PHTF2: variants seen among roughly 807,000 people sequenced by gnomAD.
The protein encoded by PHTF2 is protein PHTF2.
In PHTF2, 60 loss-of-function variants were observed where a neutral mutation model predicts 101.2. The observed-to-expected ratio is 0.59, with a 90% confidence interval of 0.48 to 0.73. The LOEUF (loss-of-function observed/expected upper bound fraction) is 0.73. PHTF2 is among the 30% of genes least tolerant of loss of function. The pLI, the probability that PHTF2 is intolerant of heterozygous loss-of-function variation, is 0.00. For synonymous variants in PHTF2, 311 were observed against 307.3 expected (o/e 1.01, Z -0.13); for missense variants, 747 against 908.7 (o/e 0.82, Z 2.29).
intron 4 of PHTF2, 140 bp downstream of exon 3, chr7:77,893,804 T>G (rs1291877880): frequency 1.6e-6 from 1 of 622,676 alleles, no homozygotes; most frequent in African/African-American, 1.8e-5. Flanking sequence ...AAGTAAACTT[T>G]ATTTACCATA....
At chr7:77,818,121 A>C (rs1304066402) in intron 1 of PHTF2, among the ~76,000 whole-genome samples, 1 of 152,038 alleles carries the variant, frequency 6.6e-6, no homozygotes, top group African/African-American at 2.4e-5. Flanking sequence ...AAAAAAAAAA[A>C]AAAACAACAG....
intron 3 of PHTF2, among the ~76,000 whole-genome samples, chr7:77,875,667 C>T (rs1461066462): frequency 6.6e-6 from 1 of 152,070 alleles, no homozygotes; most frequent in Non-Finnish European, 1.5e-5. Context: ...ACACCATTCT[C>T]CTGCCTCAGC....
chr7:77,940,695 T>C (rs759335869), intron 15 of PHTF2, 36 bp downstream of exon 14: 3 of 1,469,908 alleles, frequency 2.0e-6, no homozygotes, highest in African/African-American at 2.8e-5. Flanking sequence ...TTTAACATGC[T>C]GGCCCTTTCT....
chr7:77,950,964 G>A (rs538020017), intron 17 of PHTF2, among the ~76,000 whole-genome samples: 10 of 152,292 alleles, frequency 6.6e-5, no homozygotes, highest in East Asian at 5.8e-4. Flanking sequence ...CCTAATCAGC[G>A]ATGGCTGCCA....
At chr7:77,808,153 T>G (rs1397130535) in intron 1 of PHTF2, among the ~76,000 whole-genome samples, 1 of 152,234 alleles carries the variant, frequency 6.6e-6, no homozygotes, top group African/African-American at 2.4e-5. Flanking sequence ...AAAATTGCTT[T>G]GGCTATTTGG....
chr7:77,940,083 TCTCA>T lies in PHTF2; in HGVS notation c.1522_1525del (p.Leu508TyrfsTer4), dbSNP rs771014310. ...ACCAGATTTTTGGAAATGCAGTCTCTCTCATACTGGGTTTAACTCCATTTGTTTT... is the reference window on the plus strand; with the variant it reads ...ACCAGATTTTTGGAAATGCAGTCTCTTACTGGGTTTAACTCCATTTGTTTT... On this transcript the variant is annotated frameshift_variant, in exon 14 of 20. Transcript: ENST00000416283. LOFTEE classifies it high-confidence loss of function. The T allele has an allele frequency of 6.2e-7, 1 of 1,613,498 alleles. No homozygotes were observed. The highest frequency in any genetic ancestry group is 8.5e-7 in the Non-Finnish European group (1 of 1,179,428).
intron 3 of PHTF2, among the ~76,000 whole-genome samples, chr7:77,862,561 G>A (rs1324380365): frequency 6.6e-6 from 1 of 152,170 alleles, no homozygotes; most frequent in Non-Finnish European, 1.5e-5. Flanking sequence ...GGTATGAGGA[G>A]ATCCAAGAAA....
exon 20 of PHTF2, chr7:77,954,900 T>C (rs1425902614): frequency 7.2e-7 from 1 of 1,397,798 alleles, no homozygotes. Context: ...AAAGAAGATG[T>C]AGCCTCTTTT....
At chr7:77,847,460 T>C (rs568507283) in intron 2 of PHTF2, among the ~76,000 whole-genome samples, 18 of 152,344 alleles carry the variant, frequency 1.2e-4, no homozygotes, top group Middle Eastern at 3.4e-3. Context: ...TGTTATTTAA[T>C]TTTTCTGAGC....
At chr7:77,890,281 C>T (rs767994688) in intron 3 of PHTF2, among the ~76,000 whole-genome samples, 1 of 152,178 alleles carries the variant, frequency 6.6e-6, no homozygotes, top group African/African-American at 2.4e-5. Flanking sequence ...ACCTTTCTAA[C>T]CTCGGGCCTA....
intron 16 of PHTF2, among the ~76,000 whole-genome samples, chr7:77,948,827 G>C (rs116589454): frequency 0.021 from 3,158 of 152,262 alleles, 90 homozygotes; most frequent in African/African-American, 0.071. Context: ...CTGATACACT[G>C]CTGAGAGTAT....
chr7:77,885,548 G>A (rs1799763976), intron 3 of PHTF2, among the ~76,000 whole-genome samples: 1 of 152,040 alleles, frequency 6.6e-6, no homozygotes, highest in Non-Finnish European at 1.5e-5. Flanking sequence ...AGGTTCAAGT[G>A]ATTCTCCTGC....
intron 1 of PHTF2, among the ~76,000 whole-genome samples, chr7:77,836,064 G>C (rs1795435828): frequency 7.0e-6 from 1 of 143,536 alleles, no homozygotes; most frequent in Non-Finnish European, 1.5e-5. Flanking sequence ...GTTGCGGTGA[G>C]CTGAGATCAC....
chr7:77,942,135 T>C (rs1805684796), intron 15 of PHTF2, among the ~76,000 whole-genome samples: 1 of 152,120 alleles, frequency 6.6e-6, no homozygotes, highest in Non-Finnish European at 1.5e-5. Context: ...CCCCTCCCCC[T>C]TAGTTTGGTG....
chr7:77,878,401 A>G (rs1799125359), intron 3 of PHTF2, among the ~76,000 whole-genome samples: 1 of 152,016 alleles, frequency 6.6e-6, no homozygotes, highest in Non-Finnish European at 1.5e-5. Flanking sequence ...GGTCCGAAAA[A>G]TACCTCAAAC....
intron 8 of PHTF2, chr7:77,909,169 CTT>C (rs200836381): frequency 0.016 from 5,070 of 309,496 alleles, no homozygotes; most frequent in South Asian, 0.022. Flanking sequence ...GTTTTTGTTT[CTT>C]TTTTTTTTTT....
chr7:77,953,342 A>G (rs1382392862), intron 18 of PHTF2, among the ~76,000 whole-genome samples: 1 of 152,218 alleles, frequency 6.6e-6, no homozygotes, highest in Non-Finnish European at 1.5e-5. Context: ...GAATTAACCA[A>G]TTAATTAATA....
intron 10 of PHTF2, among the ~76,000 whole-genome samples, chr7:77,921,920 T>TA (rs1201499706): frequency 6.6e-6 from 1 of 152,142 alleles, no homozygotes; most frequent in Non-Finnish European, 1.5e-5. Context: ...TGGTGGGTCT[T>TA]ACAATTGATG....
intron 1 of PHTF2, among the ~76,000 whole-genome samples, chr7:77,817,975 T>G (rs1793984393): frequency 6.6e-6 from 1 of 152,020 alleles, no homozygotes; most frequent in Non-Finnish European, 1.5e-5. Context: ...CCGGGCATGG[T>G]GGCGGGCGCC....
Sources: gnomAD v4.1 joint callset for allele counts (sites outside exome capture counted in the v4.1 genomes callset) on GRCh38, gnomAD v4.1.1 for gene constraint, MANE v1.5 for transcripts, NCBI Gene and HGNC (gene_info 2026-07-23, HGNC 2026-07-21) for gene names.